The following ACTN2 variants were observed in gnomAD, a reference collection of about 807,000 sequenced individuals.
ACTN2 encodes actinin alpha 2.
In ACTN2, 39 loss-of-function variants were observed where a neutral mutation model predicts 113.8. The ratio of observed to expected loss-of-function variants is 0.34; its 90% CI spans 0.27 to 0.45. The LOEUF (loss-of-function observed/expected upper bound fraction) is 0.45, where lower values mean the gene tolerates loss of function less well. ACTN2 is among the 20% of genes least tolerant of loss of function. The pLI, the probability that ACTN2 is intolerant of heterozygous loss-of-function variation, is 1.00. For missense variants in ACTN2, 992 were observed against 1,177.9 expected (o/e 0.84, Z 2.31); for synonymous variants, 429 against 444.1 (o/e 0.97, Z 0.43).
intron 8 of ACTN2, chr1:236,736,477 C>T (rs1001218138): frequency 1.6e-5 from 14 of 852,208 alleles, no homozygotes; most frequent in African/African-American, 8.4e-5. Flanking sequence ...TGGTTCAAGG[C>T]GCTTTGCCAC....
At chr1:236,719,909 A>G (rs1303735389) in intron 3 of ACTN2, among the ~76,000 whole-genome samples, 196 bp from the exon 4 acceptor site, 2 of 152,256 alleles carry the variant, frequency 1.3e-5, no homozygotes, top group Middle Eastern at 3.4e-3. Flanking sequence ...CTTAGAATTT[A>G]TTTAAACTAG....
intron 14 of ACTN2, among the ~76,000 whole-genome samples, chr1:236,751,211 A>T (rs1018686858): frequency 4.0e-5 from 6 of 151,442 alleles, no homozygotes. Flanking sequence ...AAAACTGATT[A>T]AAAAAAATTA....
rs193152643 is a variant in ACTN2 at position 236,757,697 on chromosome 1, T to G, written c.2301+65T>G. ...ATTAAACAATGTATCTGAAATAATA[T>G]GCATGCTCTCGTTTTAAGTCTTAAG... On this transcript the variant is annotated intron_variant, in intron 18 of 20. Coordinates refer to ENST00000366578, the MANE Select transcript of ACTN2 (RefSeq NM_001103.4). 3.4e-5 allele frequency: 55 copies of G among 1,594,202 alleles called. 2 individuals carry two copies. In the Admixed American group the frequency reaches 7.7e-4, roughly 22 times the overall value.
intron 1 of ACTN2, among the ~76,000 whole-genome samples, chr1:236,715,533 G>T (rs1658172011): frequency 6.6e-6 from 1 of 151,878 alleles, no homozygotes; most frequent in Non-Finnish European, 1.5e-5. Context: ...GCCATATGTG[G>T]CTTTTGATCA....
Position 236,754,014 on chromosome 1 carries a change from A to G in ACTN2, c.1907A>G (p.Glu636Gly), listed in dbSNP as rs1010571438. Reference sequence around the variant, plus strand: ...GAGCTGGCTCGCCAGCATGCTAACGAGCGTCTGAGGCGCCAGTTTGCTGCC... The same window carrying G: ...GAGCTGGCTCGCCAGCATGCTAACGGGCGTCTGAGGCGCCAGTTTGCTGCC... ...QEELARQHAN[E>G]RLRRQFAAQA... is the part of the protein sequence containing the mutation. The change falls in exon 16 of 21, where the codon GAG becomes GGG. Residue 636 changes from glutamate (E) to glycine (G), a missense_variant. Physicochemically the swap from Glu to Gly is moderately conservative, Grantham distance 98 (BLOSUM62 -2). Transcript: ENST00000366578. This position sits in a 1 kb window ranked among gnomAD's most constrained non-coding sequence, Gnocchi z 4.9. The G allele has an allele frequency of 3.5e-5, 56 of 1,614,110 alleles. No homozygotes were observed. Among genetic ancestry groups the G allele is most frequent in the Non-Finnish European group, 4.7e-5 (55 of 1,180,038 alleles).
rs1289087755 is a variant in ACTN2 at position 236,751,616 on chromosome 1, T to C, written c.1803T>C (p.Thr601=). 2.5e-6 allele frequency: 4 copies of C among 1,613,854 alleles called. No homozygotes were observed. Among genetic ancestry groups the C allele is most frequent in the East Asian group, 2.2e-5 (1 of 44,890 alleles). ...IRISSSNPYS[T]VTMDELRTKW... is the part of the protein sequence containing the mutation. ...TCAGCTCAAGCAACCCGTACAGCAC[T>C]GTCACCATGGATGAGCTCCGGACCA... The change falls in exon 15 of 21, where the codon ACT becomes ACC. Residue 601 remains threonine (T), a synonymous_variant. Transcript: ENST00000366578.
At chr1:236,747,082 C>G (rs939619169) in intron 12 of ACTN2, among the ~76,000 whole-genome samples, 2 of 152,196 alleles carry the variant, frequency 1.3e-5, no homozygotes, top group African/African-American at 2.4e-5. Context: ...AGAGTGATGT[C>G]TTCCGACCTT....
intron 19 of ACTN2, 21 bp downstream of exon 19, chr1:236,759,810 G>A (rs2102950047): frequency 1.2e-6 from 2 of 1,602,078 alleles, no homozygotes; most frequent in Non-Finnish European, 8.6e-7. Context: ...AGTTGAAATT[G>A]TACTAAGATT....
At position 236,762,601 on chromosome 1, in the gene ACTN2, C is replaced by T. The variant is rs560852363; in HGVS notation, c.2667C>T (p.Tyr889=). 1.2e-5 allele frequency: 20 copies of T among 1,614,048 alleles called. No individual in the cohort carries two copies. Among genetic ancestry groups the T allele is most frequent in the African/African-American group, 2.7e-5 (2 of 75,016 alleles). ...LDYAAFSSAL[Y]GESDL is the part of the protein sequence containing the mutation. ...ACGCTGCGTTCTCTTCCGCACTCTACGGGGAGAGCGATCTGTGATGCTGAG... is the reference window on the plus strand; with the variant it reads ...ACGCTGCGTTCTCTTCCGCACTCTATGGGGAGAGCGATCTGTGATGCTGAG... The change falls in exon 21 of 21, where the codon TAC becomes TAT. Residue 889 remains tyrosine (Y), a synonymous_variant. Coordinates refer to ENST00000366578, the MANE Select transcript of ACTN2 (RefSeq NM_001103.4).
chr1:236,720,532 CT>C (rs547245407), intron 4 of ACTN2, among the ~76,000 whole-genome samples: 142 of 152,204 alleles, frequency 9.3e-4, no homozygotes, highest in African/African-American at 3.0e-3. Flanking sequence ...TTCTTTCCCC[CT>C]GGTATAAAAA....
At chr1:236,718,236 T>G (rs1477090915) in intron 2 of ACTN2, among the ~76,000 whole-genome samples, 2 of 152,228 alleles carry the variant, frequency 1.3e-5, no homozygotes, top group Non-Finnish European at 2.9e-5. Flanking sequence ...AAAAAATGAC[T>G]TCACACGACT....
Position 236,751,528 on chromosome 1 carries a change from G to A in ACTN2, c.1715G>A (p.Arg572Gln), listed in dbSNP as rs141434302. ...ACGCTGCCCGAGGCGGACGGAGAGCGGCAGTCCATCATGGCCATCCAGAAC... is the reference window on the plus strand; with the variant it reads ...ACGCTGCCCGAGGCGGACGGAGAGCAGCAGTCCATCATGGCCATCCAGAAC... ...KATLPEADGE[R>Q]QSIMAIQNEV... Residue 572 changes from arginine (R) to glutamine (Q), a missense_variant, in exon 15 of 21, where the codon CGG (arginine) becomes CAG (glutamine). Arg to Gln is a conservative substitution (Grantham distance 43). Transcript: ENST00000366578. 8.1e-6 allele frequency: 13 copies of A among 1,613,994 alleles called. No homozygotes were observed. The highest frequency in any genetic ancestry group is 1.6e-4 in the Middle Eastern group (1 of 6,084).
intron 12 of ACTN2, among the ~76,000 whole-genome samples, chr1:236,746,023 A>G (rs183925669): frequency 2.0e-3 from 309 of 151,836 alleles, no homozygotes; most frequent in African/African-American, 6.6e-3. Flanking sequence ...AAAATTAGCC[A>G]GGCATGGTGG....
At chr1:236,686,866 G>C in intron 1 of ACTN2, 67 bp downstream of exon 1, 1 of 1,301,254 alleles carries the variant, frequency 7.7e-7, no homozygotes, top group Non-Finnish European at 9.8e-7. Context: ...TCCCGTGCGC[G>C]TGGCCGCGTG....
chr1:236,755,054 C>T lies in ACTN2; in HGVS notation c.2010C>T (p.Ala670=), dbSNP rs763133441. 9 of 1,614,218 alleles carry T rather than the reference C, an allele frequency of 5.6e-6. No individual in the cohort carries two copies. Among genetic ancestry groups the T allele is most frequent in the East Asian group, 2.2e-5 (1 of 44,880 alleles). Residue 670 remains alanine, a synonymous_variant, in exon 17 of 21, where the codon GCC becomes GCT. Coordinates refer to ENST00000366578, the MANE Select transcript of ACTN2 (RefSeq NM_001103.4). ...GGAGCTCCATCCAGATCACAGGAGCCCTGGAAGACCAGATGAACCAGCTGA... is the reference window on the plus strand; with the variant it reads ...GGAGCTCCATCCAGATCACAGGAGCTCTGGAAGACCAGATGAACCAGCTGA... The part of the protein sequence containing the change: ...IARSSIQITG[A]LEDQMNQLKQ...
chr1:236,759,204 C>T (rs539740497), intron 18 of ACTN2, among the ~76,000 whole-genome samples: 1 of 152,146 alleles, frequency 6.6e-6, no homozygotes, highest in African/African-American at 2.4e-5. Flanking sequence ...TTCATTAAAG[C>T]CCAAGTCATT....
rs760091931 is a variant in ACTN2, at chr1:236,762,595, A to G, written c.2661A>G (p.Ala887=). Residue 887 remains alanine (A), a synonymous_variant, in exon 21 of 21, where the codon GCA becomes GCG. Coordinates refer to ENST00000366578, the MANE Select transcript of ACTN2 (RefSeq NM_001103.4). The part of the protein sequence containing the change: ...GALDYAAFSS[A]LYGESDL ...TGGATTACGCTGCGTTCTCTTCCGC[A>G]CTCTACGGGGAGAGCGATCTGTGAT... is the stretch of plus-strand genomic sequence containing the variant. 1.9e-6 allele frequency: 3 copies of G among 1,614,028 alleles called. No individual in the cohort carries two copies. The highest frequency in any genetic ancestry group is 2.2e-5 in the South Asian group (2 of 91,066).
At chr1:236,751,964 T>C (rs1558247638) in intron 15 of ACTN2, among the ~76,000 whole-genome samples, 1 of 152,162 alleles carries the variant, frequency 6.6e-6, no homozygotes, top group East Asian at 1.9e-4. Context: ...AACTGGAAAT[T>C]TGGTTAAAAA....
intron 4 of ACTN2, among the ~76,000 whole-genome samples, chr1:236,723,570 A>G (rs144233542): frequency 2.5e-3 from 381 of 152,134 alleles, no homozygotes; most frequent in Middle Eastern, 0.017. Context: ...GGCTCAAGCA[A>G]TTCTCCTGCC....
Sources: gnomAD v4.1 joint callset for allele counts (sites outside exome capture counted in the v4.1 genomes callset) on GRCh38, gnomAD v4.1.1 for gene constraint, Gnocchi (gnomAD v3.1) non-coding constraint, MANE v1.5 for transcripts, NCBI Gene and HGNC (gene_info 2026-07-23, HGNC 2026-07-21) for gene names.